The following EPHA5 variants were observed in gnomAD, a reference collection of about 807,000 sequenced individuals.
The protein encoded by EPHA5 is EPH receptor A5, also known as ephrin type-A receptor 5.
A neutral mutation model predicts 105.0 loss-of-function variants in EPHA5; 60 were observed. The ratio of observed to expected loss-of-function variants is 0.57; its 90% CI spans 0.46 to 0.71. The LOEUF is 0.71. EPHA5 is among the 30% of genes least tolerant of loss of function. EPHA5 has a pLI of 0.00. For missense variants in EPHA5, 1,218 were observed against 1,274.7 expected (o/e 0.96, Z 0.68); for synonymous variants, 513 against 449.1 (o/e 1.14, Z -1.80).
intron 3 of EPHA5, among the ~76,000 whole-genome samples, chr4:65,533,089 C>T (rs1029367765): frequency 4.6e-5 from 7 of 152,060 alleles, no homozygotes; most frequent in African/African-American, 1.7e-4. Context: ...CTACTTCCCA[C>T]TTCAATTTCA....
intron 8 of EPHA5, among the ~76,000 whole-genome samples, chr4:65,396,065 T>TTG (rs1484446393): frequency 5.3e-5 from 8 of 151,940 alleles, no homozygotes; most frequent in Non-Finnish European, 1.2e-4. Context: ...CCCTGTGCTT[T>TTG]GGGGAACCCC....
intron 13 of EPHA5, among the ~76,000 whole-genome samples, chr4:65,350,653 C>T (rs1722729320): frequency 6.6e-6 from 1 of 152,056 alleles, no homozygotes; most frequent in Admixed American, 6.6e-5. Context: ...TCACCCATAA[C>T]ATTCTGTTGT....
At chr4:65,563,796 G>A (rs1739262111) in intron 3 of EPHA5, among the ~76,000 whole-genome samples, 1 of 152,070 alleles carries the variant, frequency 6.6e-6, no homozygotes, top group Admixed American at 6.6e-5. Context: ...CTGTCCTATT[G>A]AAAAGTCTGA....
intron 3 of EPHA5, among the ~76,000 whole-genome samples, chr4:65,541,181 T>A (rs530722352): frequency 6.6e-6 from 1 of 151,564 alleles, no homozygotes; most frequent in South Asian, 2.1e-4. Flanking sequence ...ACATTATGAA[T>A]AAATGGAATC....
chr4:65,402,031 G>A (rs1367186755), intron 8 of EPHA5, among the ~76,000 whole-genome samples: 3 of 152,060 alleles, frequency 2.0e-5, no homozygotes, highest in Non-Finnish European at 2.9e-5. Flanking sequence ...GAGAGACCAG[G>A]TGGAGGTAAT....
At chr4:65,336,247 C>T (rs1160234849) in intron 14 of EPHA5, 122 bp from the exon 15 acceptor site, 2 of 599,714 alleles carry the variant, frequency 3.3e-6, no homozygotes, top group Non-Finnish European at 5.1e-6. Flanking sequence ...TAACAACTAG[C>T]ATTACTGTCT....
At chr4:65,405,282 C>A (rs1016093583) in intron 7 of EPHA5, among the ~76,000 whole-genome samples, 1 of 6,186 alleles carries the variant, frequency 1.6e-4, no homozygotes, top group Non-Finnish European at 6.0e-3. Context: ...TAAAATAAAA[C>A]GCCTTATAGG....
At chr4:65,367,308 T>C in intron 9 of EPHA5, 49 bp downstream of exon 9, 1 of 1,457,418 alleles carries the variant, frequency 6.9e-7, no homozygotes, top group Non-Finnish European at 9.5e-7. Context: ...TAAATAACAA[T>C]AAAGTGTCCC....
chr4:65,446,702 T>A (rs1425717653), intron 5 of EPHA5, among the ~76,000 whole-genome samples: 3 of 152,156 alleles, frequency 2.0e-5, no homozygotes, highest in African/African-American at 7.2e-5. Context: ...GGTGCATGTA[T>A]GGACATAAAG....
chr4:65,498,035 G>A (rs1443783391), intron 3 of EPHA5, among the ~76,000 whole-genome samples: 2 of 151,900 alleles, frequency 1.3e-5, no homozygotes, highest in Non-Finnish European at 2.9e-5. Context: ...GATTATTAAA[G>A]GAGATTTCCC....
intron 3 of EPHA5, among the ~76,000 whole-genome samples, chr4:65,574,631 T>TATATATATACATATATATATATACACAC (rs1176951291): frequency 3.7e-5 from 3 of 81,672 alleles, no homozygotes; most frequent in Non-Finnish European, 8.4e-5. Context: ...TATATACACA[T>TATATATATACATATATATATATACACAC]ATATATATAC....
intron 8 of EPHA5, among the ~76,000 whole-genome samples, chr4:65,374,067 C>T (rs892733885): frequency 2.0e-5 from 3 of 151,828 alleles, no homozygotes; most frequent in African/African-American, 7.2e-5. Flanking sequence ...TACATTAAAA[C>T]CATCAATTCA....
rs75851206 is a variant in EPHA5 at position 65,398,165 on chromosome 4, G to A, written c.1793+6209C>T. On this transcript the variant is annotated intron_variant, in intron 8 of 16. Coordinates refer to ENST00000613740, the MANE Select transcript of EPHA5 (RefSeq NM_001281766.3). The stretch of plus-strand genomic sequence containing the variant: ...CCCCCTGCCCCTGTAGGCTCAGAAG[G>A]GCCTGTTACCACTGCCTGGCCTCTC... 5.0e-4 allele frequency among the ~76,000 whole-genome samples: 76 copies of A among 152,280 alleles called. 2 individuals are homozygous for A. In the East Asian group the frequency reaches 0.014, roughly 27 times the overall value.
At chr4:65,528,107 A>G (rs541957939) in intron 3 of EPHA5, among the ~76,000 whole-genome samples, 1 of 152,136 alleles carries the variant, frequency 6.6e-6, no homozygotes, top group African/African-American at 2.4e-5. Flanking sequence ...TGACCAGAAA[A>G]TGTTAGATAA....
At chr4:65,513,828 C>T (rs1005045815) in intron 3 of EPHA5, among the ~76,000 whole-genome samples, 2 of 151,978 alleles carry the variant, frequency 1.3e-5, no homozygotes, top group African/African-American at 4.8e-5. Context: ...CCGGCCTTGT[C>T]CTAGGGCTTT....
At chr4:65,623,857 A>G (rs1478027914) in intron 2 of EPHA5, among the ~76,000 whole-genome samples, 1 of 152,210 alleles carries the variant, frequency 6.6e-6, no homozygotes, top group Non-Finnish European at 1.5e-5. Context: ...TCATTTATGC[A>G]AATAAAGGAA....
intron 8 of EPHA5, among the ~76,000 whole-genome samples, chr4:65,398,413 G>T (rs1039185860): frequency 2.6e-5 from 4 of 152,092 alleles, no homozygotes; most frequent in Non-Finnish European, 5.9e-5. Flanking sequence ...AGCATGAACA[G>T]CCTGGGTGCT....
intron 1 of EPHA5, among the ~76,000 whole-genome samples, chr4:65,645,926 C>G (rs1487751363): frequency 2.0e-5 from 3 of 151,966 alleles, no homozygotes; most frequent in Admixed American, 2.0e-4. Flanking sequence ...TTACACATCC[C>G]ATTTCTAGAA....
At chr4:65,380,982 C>A (rs2148929564) in intron 8 of EPHA5, among the ~76,000 whole-genome samples, 1 of 151,700 alleles carries the variant, frequency 6.6e-6, no homozygotes, top group African/African-American at 2.4e-5. Context: ...ATAATCTAGT[C>A]ACTGATGAAA....
Sources: gnomAD v4.1 joint callset for allele counts (sites outside exome capture counted in the v4.1 genomes callset) on GRCh38, gnomAD v4.1.1 for gene constraint, MANE v1.5 for transcripts, NCBI Gene and HGNC (gene_info 2026-07-23, HGNC 2026-07-21) for gene names.